LGALS8: variants seen among roughly 807,000 people sequenced by gnomAD.
LGALS8 encodes galectin 8.
In LGALS8, 30 loss-of-function variants were observed where a neutral mutation model predicts 35.9. That is an observed-to-expected ratio of 0.83 (90% CI 0.62 to 1.13). LGALS8 has a LOEUF of 1.13. Ranked by LOEUF, LGALS8 falls within the 50% of genes most tolerant of loss-of-function variation. The pLI is 0.00. For synonymous variants in LGALS8, 138 were observed against 136.1 expected, an observed-to-expected ratio of 1.01 and a Z score of -0.10; for missense variants, 366 against 388.7, an observed-to-expected ratio of 0.94 and a Z score of 0.49.
intron 2 of LGALS8, among the ~76,000 whole-genome samples, chr1:236,533,795 C>G (rs1661288076): frequency 6.6e-6 from 1 of 152,174 alleles, no homozygotes; most frequent in African/African-American, 2.4e-5. Flanking sequence ...TAGGTAGCCA[C>G]AGATACACAA....
intron 4 of LGALS8, 40 bp from the exon 5 acceptor site, chr1:236,540,524 T>C: frequency 6.9e-7 from 1 of 1,441,530 alleles, no homozygotes; most frequent in Non-Finnish European, 9.2e-7. Context: ...ACTGTTTTTT[T>C]TTGGTGGCGG....
intron 9 of LGALS8, among the ~76,000 whole-genome samples, chr1:236,546,025 T>G (rs1662341219): frequency 6.6e-6 from 1 of 152,146 alleles, no homozygotes; most frequent in South Asian, 2.1e-4. Flanking sequence ...ATGTAACTTG[T>G]TTTTGACCTA....
intron 8 of LGALS8, among the ~76,000 whole-genome samples, chr1:236,544,531 G>GTT (rs1553278248): frequency 4.0e-5 from 6 of 149,442 alleles, no homozygotes; most frequent in African/African-American, 1.2e-4. Context: ...ATTTTAAAGG[G>GTT]TTTTTTTTTT....
At chr1:236,543,327 G>C in intron 7 of LGALS8, 1 of 667,692 alleles carries the variant, frequency 1.5e-6, no homozygotes, top group South Asian at 1.6e-5. Flanking sequence ...GAGGGCATCG[G>C]GTCCCACCCT....
At chr1:236,524,405 C>G in intron 1 of LGALS8, 1 of 455,800 alleles carries the variant, frequency 2.2e-6, no homozygotes, top group African/African-American at 2.0e-5. Flanking sequence ...CTCACCTGTT[C>G]CCTCCTAGCC....
At position 236,552,145 on chromosome 1, in the gene LGALS8, G is replaced by T. The variant is rs181218623; in HGVS notation, c.*3984G>T. ...AAAGAGCAAAGAAATAAAAAGTAGTGTTACTGTATTTATTATCTTAAGAGC... is the reference window on the plus strand; with the variant it reads ...AAAGAGCAAAGAAATAAAAAGTAGTTTTACTGTATTTATTATCTTAAGAGC... On this transcript the variant is annotated 3_prime_UTR_variant, in exon 10 of 10. Coordinates refer to ENST00000366584, the MANE Select transcript of LGALS8 (RefSeq NM_201544.4). 16,706 of 1,342,690 alleles carry T rather than the reference G, an allele frequency of 0.012. 131 individuals carry two copies. The highest frequency in any genetic ancestry group is 0.014 in the Non-Finnish European group (13,185 of 938,068). 83.2% of individuals were successfully genotyped at this position (1,342,690 alleles called of 1,614,324 possible). A position where few individuals can be genotyped will look rare whatever the true frequency, so the allele number is the denominator to read the frequency against.
At position 236,537,552 on chromosome 1, in the gene LGALS8, T is replaced by A; in HGVS notation, c.101T>A (p.Val34Glu). The change falls in exon 3 of 10, where the codon GTG becomes GAG. Residue 34 changes from valine to glutamate, a missense_variant. Coordinates refer to ENST00000366584, the MANE Select transcript of LGALS8 (RefSeq NM_201544.4). ...PDQLDPGTLI[V>E]IRGHVPSDAD... ...CAGCTGGATCCTGGAACTTTGATTG[T>A]GATACGTGGGCATGTTCCTAGTGAC... 6.2e-7 allele frequency: 1 copy of A among 1,607,424 alleles called. No homozygotes were observed. Among genetic ancestry groups the A allele is most frequent in the Non-Finnish European group, 8.5e-7 (1 of 1,173,668 alleles).
intron 2 of LGALS8, among the ~76,000 whole-genome samples, chr1:236,528,546 ATTTTTTTTT>A (rs61261486): frequency 2.9e-5 from 3 of 104,240 alleles, no homozygotes; most frequent in Non-Finnish European, 1.8e-5. Flanking sequence ...AATGTTTCCA[ATTTTTTTTT>A]TTTTTTTTTT....
intron 7 of LGALS8, 130 bp downstream of exon 7, chr1:236,542,917 T>C: frequency 6.2e-7 from 1 of 1,614,170 alleles, no homozygotes; most frequent in South Asian, 1.1e-5. Flanking sequence ...CCCTACAGCC[T>C]AGTAATAGAG....
At chr1:236,530,206 A>G (rs1189922859) in intron 2 of LGALS8, among the ~76,000 whole-genome samples, 1 of 152,214 alleles carries the variant, frequency 6.6e-6, no homozygotes, top group African/African-American at 2.4e-5. Context: ...CCTACCTGGT[A>G]CCCAGTTTTC....
intron 7 of LGALS8, chr1:236,543,116 C>T (rs1309531563): frequency 7.3e-7 from 1 of 1,374,550 alleles, no homozygotes; most frequent in Non-Finnish European, 1.0e-6. Context: ...AACCTGTATC[C>T]ACAATAGAGG....
intron 9 of LGALS8, chr1:236,545,223 C>G: frequency 5.2e-6 from 1 of 193,396 alleles, no homozygotes; most frequent in Non-Finnish European, 1.0e-5. Flanking sequence ...CACATTTAAT[C>G]ATATAAGCAG....
At chr1:236,527,830 G>A (rs1358422388) in intron 2 of LGALS8, among the ~76,000 whole-genome samples, 1 of 151,950 alleles carries the variant, frequency 6.6e-6, no homozygotes, top group Non-Finnish European at 1.5e-5. Flanking sequence ...CTGCCTCCCG[G>A]GTTCAAGCAA....
In LGALS8 at chr1:236,535,482, CTT is replaced by C. The variant is rs1661430665; in HGVS notation, c.46-2014_46-2013del. On this transcript the variant is annotated intron_variant, in intron 2 of 9. Transcript: ENST00000366584. ...ATTACTTTCTCACTTATATTACTAACTTGTGTTATTAAATATTCTGCATAAAG... is the reference window on the plus strand; with the variant it reads ...ATTACTTTCTCACTTATATTACTAACGTGTTATTAAATATTCTGCATAAAG... Among the ~76,000 whole-genome samples, 5 of 151,558 alleles carry C rather than the reference CTT, an allele frequency of 3.3e-5. No individual in the cohort carries two copies. In the South Asian group the frequency reaches 1.0e-3, roughly 31 times the overall value.
rs191101450 is a variant in LGALS8, at chr1:236,552,693, T to C, written c.*4532T>C. ...TGTCTATAATAAGGAAAGCAAGCAG[T>C]AGTTGGGTATTGTTAGCTTTTGAAA... is the stretch of plus-strand genomic sequence containing the variant. On this transcript the variant is annotated 3_prime_UTR_variant, in exon 10 of 10. Coordinates refer to ENST00000366584, the MANE Select transcript of LGALS8 (RefSeq NM_201544.4). The C allele has an allele frequency of 3.9e-5, 6 of 152,270 alleles. No individual in the cohort carries two copies. Among genetic ancestry groups the C allele is most frequent in the African/African-American group, 1.2e-4 (5 of 41,478 alleles). The allele number at this position is 152,270 out of a possible 1,614,324, so 9.4% of individuals were successfully genotyped here.
In LGALS8 at chr1:236,551,850, G is replaced by A. The variant is rs1352217803; in HGVS notation, c.*3689G>A. On this transcript the variant is annotated 3_prime_UTR_variant, in exon 10 of 10. Coordinates refer to ENST00000366584, the MANE Select transcript of LGALS8 (RefSeq NM_201544.4). ...TCAAAACAGGAGCTCGAGCCTGCCT[G>A]TATTTGAGACTGGAGCTGCCTGTAT... The A allele has an allele frequency of 1.7e-6, 1 of 598,686 alleles. No homozygotes were observed. Among genetic ancestry groups the A allele is most frequent in the East Asian group, 2.9e-5 (1 of 35,028 alleles). 37.1% of individuals were successfully genotyped at this position (598,686 alleles called of 1,614,324 possible). A position where few individuals can be genotyped will look rare whatever the true frequency, so the allele number is the denominator to read the frequency against.
In LGALS8 at chr1:236,526,953, C is replaced by G. The variant is rs1352769548; in HGVS notation, c.45+838C>G. ...GTCATTGTGTAAGAATGAGGTATCG[C>G]TGCTGTATCAAGCAAAGTCAGTTTT... is the stretch of plus-strand genomic sequence containing the variant. On this transcript the variant is annotated intron_variant, in intron 2 of 9. Coordinates refer to ENST00000366584, the MANE Select transcript of LGALS8 (RefSeq NM_201544.4). The surrounding 1 kb of genome is among the most constrained non-coding windows in gnomAD (Gnocchi z 4.6). Among the ~76,000 whole-genome samples, 3 of 152,166 alleles carry G rather than the reference C, an allele frequency of 2.0e-5. No individual in the cohort carries two copies.
At chr1:236,527,205 G>T (rs995379569) in intron 2 of LGALS8, among the ~76,000 whole-genome samples, 1 of 152,140 alleles carries the variant, frequency 6.6e-6, no homozygotes, top group Non-Finnish European at 1.5e-5. Flanking sequence ...ATGGATAAAG[G>T]TTACACTGTT....
At chr1:236,523,818 C>T (rs370270338), upstream of LGALS8, 17 of 348,726 alleles carry the variant, frequency 4.9e-5, no homozygotes, top group East Asian at 1.2e-3. Context: ...AGCTGGGTGG[C>T]GATCAGCGGC....
Sources: allele counts gnomAD v4.1 joint callset (sites outside exome capture counted in the v4.1 genomes callset), GRCh38; gene constraint gnomAD v4.1.1; non-coding constraint Gnocchi (gnomAD v3.1); transcripts MANE v1.5; gene names NCBI Gene and HGNC (gene_info 2026-07-23, HGNC 2026-07-21).